SATL1: variants seen among roughly 807,000 people sequenced by gnomAD.
The protein encoded by SATL1 is spermidine/spermine N1-acetyl transferase like 1, also known as spermidine/spermine N(1)-acetyltransferase-like protein 1.
A neutral mutation model predicts 51.8 loss-of-function variants in SATL1; 47 were observed. The observed-to-expected ratio is 0.91, with a 90% CI of 0.72 to 1.16. The LOEUF is 1.16. Ranked by LOEUF, SATL1 falls within the 50% of genes most tolerant of loss-of-function variation. The pLI is 0.00. For missense variants in SATL1, 520 were observed against 526.4 expected (o/e 0.99, Z 0.12); for synonymous variants, 176 against 182.4 (o/e 0.97, Z 0.28).
intron 2 of SATL1, among the ~76,000 whole-genome samples, chrX:85,196,662 G>C (rs1927568804): frequency 9.0e-6 from 1 of 111,689 alleles, no homozygotes; most frequent in Non-Finnish European, 1.9e-5. Context: ...CAATGGAGTA[G>C]AACTGAGAGT....
At chrX:85,118,727 G>A (rs1925441450) in intron 2 of SATL1, among the ~76,000 whole-genome samples, 1 of 110,345 alleles carries the variant, frequency 9.1e-6, no homozygotes, top group Non-Finnish European at 1.9e-5. Flanking sequence ...AAAATATATT[G>A]TATTCTTGAA....
intron 2 of SATL1, chrX:85,153,784 C>T (rs1926523898): frequency 9.0e-6 from 1 of 111,348 alleles, no homozygotes; most frequent in South Asian, 3.8e-4. Flanking sequence ...GTGACCAACT[C>T]TGGAGTACTC....
intron 2 of SATL1, among the ~76,000 whole-genome samples, chrX:85,203,481 A>T (rs1214724381): frequency 8.9e-6 from 1 of 111,838 alleles, no homozygotes; most frequent in Admixed American, 9.4e-5. Flanking sequence ...TCATCCAAAC[A>T]GCAAAGATGG....
intron 2 of SATL1, among the ~76,000 whole-genome samples, chrX:85,161,039 C>A (rs1021505998): frequency 5.4e-5 from 6 of 111,607 alleles, no homozygotes; most frequent in Non-Finnish European, 1.1e-4. Context: ...TAATAACAAC[C>A]AAAAATCTCA....
chrX:85,186,447 T>A (rs147890228), intron 2 of SATL1, among the ~76,000 whole-genome samples: 126 of 110,923 alleles, frequency 1.1e-3, no homozygotes, highest in African/African-American at 4.0e-3. Context: ...TGGCCTAGAC[T>A]GCCTTTCAAG....
At chrX:85,131,893 C>A (rs1925815579) in intron 2 of SATL1, among the ~76,000 whole-genome samples, 1 of 111,509 alleles carries the variant, frequency 9.0e-6, no homozygotes, top group African/African-American at 3.3e-5. Flanking sequence ...TATTTTATTT[C>A]TTCTTCACTT....
chrX:85,203,026 C>T (rs936486674), intron 2 of SATL1, among the ~76,000 whole-genome samples: 10 of 111,350 alleles, frequency 9.0e-5, no homozygotes, highest in Non-Finnish European at 1.1e-4. Flanking sequence ...TGAGGAGATA[C>T]GGGAATGGGC....
At chrX:85,192,592 A>G (rs761932127) in intron 2 of SATL1, among the ~76,000 whole-genome samples, 234 of 111,727 alleles carry the variant, frequency 2.1e-3, no homozygotes, top group Non-Finnish European at 3.2e-3. Context: ...CATTAAAAAA[A>G]CACATTCTTT....
At chrX:85,093,900 G>C (rs1338009096) in intron 6 of SATL1, among the ~76,000 whole-genome samples, 2 of 111,447 alleles carry the variant, frequency 1.8e-5, no homozygotes, top group Non-Finnish European at 3.8e-5. Flanking sequence ...GTGATAGCTT[G>C]GCTTATTCAA....
intron 2 of SATL1, among the ~76,000 whole-genome samples, chrX:85,138,272 G>A (rs888154782): frequency 3.6e-5 from 4 of 111,591 alleles, no homozygotes; most frequent in Admixed American, 9.5e-5. Flanking sequence ...CTAGGAGTTA[G>A]GTGCTTAGTG....
chrX:85,118,360 G>C (rs1392586769), intron 2 of SATL1: 1 of 110,153 alleles, frequency 9.1e-6, no homozygotes, highest in Admixed American at 9.8e-5. Flanking sequence ...TTGTATTTGC[G>C]GTAGTGCATT....
chrX:85,135,886 G>T (rs1925943389), intron 2 of SATL1, among the ~76,000 whole-genome samples: 1 of 110,143 alleles, frequency 9.1e-6, no homozygotes, highest in Non-Finnish European at 1.9e-5. Context: ...AGCCTAGAGA[G>T]ATAAATCTAA....
intron 2 of SATL1, among the ~76,000 whole-genome samples, chrX:85,139,068 C>T (rs1254184273): frequency 2.7e-5 from 3 of 111,350 alleles, no homozygotes; most frequent in East Asian, 2.8e-4. Flanking sequence ...TTCTACTGTT[C>T]TATGCAGAAT....
rs1007541837 is a variant in SATL1, at chrX:85,136,048, G to A, written c.-312-26768C>T. 1.2e-4 allele frequency among the ~76,000 whole-genome samples: 13 copies of A among 110,531 alleles called. 1 individual carries two copies. The highest frequency in any genetic ancestry group is 8.5e-3 in the Middle Eastern group (2 of 235). ...GAGTTATTTAGGAGGTAGAAGTGAG[G>A]AGAGTTGGTGACCAACTATTAATAC... On this transcript the variant is annotated intron_variant, in intron 2 of 7. Transcript: ENST00000644105.
intron 2 of SATL1, among the ~76,000 whole-genome samples, chrX:85,139,899 G>A (rs1009169346): frequency 9.0e-6 from 1 of 111,376 alleles, no homozygotes; most frequent in Non-Finnish European, 1.9e-5. Context: ...TGCACAGTTA[G>A]ATAAATCTTC....
At chrX:85,178,751 A>G (rs1927138439) in intron 2 of SATL1, among the ~76,000 whole-genome samples, 1 of 111,601 alleles carries the variant, frequency 9.0e-6, no homozygotes, top group Non-Finnish European at 1.9e-5. Context: ...TTTCTTAAGC[A>G]TTTGATGATC....
intron 1 of SATL1, among the ~76,000 whole-genome samples, chrX:85,241,510 TATTTTCCAAAATAGCATA>T (rs980681426): frequency 2.7e-5 from 3 of 112,286 alleles, no homozygotes; most frequent in Admixed American, 1.9e-4. Flanking sequence ...AATACAATAC[TATTTTCCAAAATAGCATA>T]AACAGCCAGC....
intron 2 of SATL1, among the ~76,000 whole-genome samples, chrX:85,183,206 C>T (rs956491828): frequency 9.1e-6 from 1 of 110,312 alleles, no homozygotes; most frequent in African/African-American, 3.3e-5. Context: ...TTTATAGTTT[C>T]GGGTTCTATA....
chrX:85,100,221 C>T (rs865892008), intron 4 of SATL1, among the ~76,000 whole-genome samples: 2 of 109,287 alleles, frequency 1.8e-5, no homozygotes, highest in African/African-American at 6.7e-5. Context: ...AACAAAAAAA[C>T]AAAAAAAATC....
Sources: allele counts gnomAD v4.1 joint callset (sites outside exome capture counted in the v4.1 genomes callset), GRCh38; gene constraint gnomAD v4.1.1; transcripts MANE v1.5; gene names NCBI Gene and HGNC (gene_info 2026-07-23, HGNC 2026-07-21).